ACOXL: variants seen among roughly 807,000 people sequenced by gnomAD.
The protein encoded by ACOXL is acyl-CoA oxidase like.
ACOXL carries 70 observed loss-of-function variants against 71.9 expected under a neutral mutation model. That is an observed-to-expected ratio of 0.97 (90% CI 0.80 to 1.19). The LOEUF (loss-of-function observed/expected upper bound fraction) is 1.19. Ranked by LOEUF, ACOXL falls within the 50% of genes most tolerant of loss-of-function variation. The pLI is 0.00. For synonymous variants in ACOXL, 253 were observed against 281.6 expected (o/e 0.90, Z 1.02); for missense variants, 703 against 736.3 (o/e 0.95, Z 0.52).
chr2:110,847,791 G>A (rs1298016154), intron 10 of ACOXL, among the ~76,000 whole-genome samples: 1 of 152,160 alleles, frequency 6.6e-6, no homozygotes, highest in African/African-American at 2.4e-5. Flanking sequence ...GCGTGTGATC[G>A]AACTGCTCAC....
intron 12 of ACOXL, among the ~76,000 whole-genome samples, chr2:110,986,575 G>A (rs1225605767): frequency 2.0e-5 from 3 of 152,142 alleles, no homozygotes; most frequent in Admixed American, 6.6e-5. Context: ...TTTCTGCAGC[G>A]GGCTAGCCAT....
At chr2:110,779,683 G>A (rs1372177977) in intron 2 of ACOXL, among the ~76,000 whole-genome samples, 1 of 152,208 alleles carries the variant, frequency 6.6e-6, no homozygotes, top group African/African-American at 2.4e-5. Flanking sequence ...ATGACCAATT[G>A]AGTTGCCAAG....
At chr2:110,917,339 GA>G (rs1334682745) in intron 11 of ACOXL, among the ~76,000 whole-genome samples, 1 of 152,118 alleles carries the variant, frequency 6.6e-6, no homozygotes, top group Non-Finnish European at 1.5e-5. Context: ...AAAGACCTTT[GA>G]CAAAATTCAA....
chr2:110,779,527 C>G (rs1302630431), intron 2 of ACOXL, among the ~76,000 whole-genome samples: 2 of 152,158 alleles, frequency 1.3e-5, no homozygotes, highest in Non-Finnish European at 2.9e-5. Context: ...TAAAACAATT[C>G]TAAAAAAGGA....
At chr2:110,908,698 C>T (rs1049331912) in intron 10 of ACOXL, 91 bp from the exon 11 acceptor site, 1 of 996,674 alleles carries the variant, frequency 1.0e-6, no homozygotes, top group Admixed American at 1.9e-5. Context: ...CTTTGGAAGG[C>T]AAATGGCTAG....
chr2:110,889,353 A>G lies in ACOXL; in HGVS notation c.789-19436A>G, dbSNP rs1697679637. Among the ~76,000 whole-genome samples the G allele has an allele frequency of 3.3e-5, 5 of 152,310 alleles. No individual in the cohort carries two copies. The South Asian group carries it at 1.0e-3, about 32-fold the overall frequency. On this transcript the variant is annotated intron_variant, in intron 10 of 17. Transcript: ENST00000439055. ...ACAGCTTTATTGATATATCATCCACATTGTGTAAAATTGTTTCATTTAAGG... is the reference window on the plus strand; with the variant it reads ...ACAGCTTTATTGATATATCATCCACGTTGTGTAAAATTGTTTCATTTAAGG...
chr2:111,116,707 T>G (rs879402179), intron 17 of ACOXL, among the ~76,000 whole-genome samples: 2 of 151,960 alleles, frequency 1.3e-5, no homozygotes, highest in African/African-American at 4.8e-5. Flanking sequence ...GCCGAAAACT[T>G]GAAAAATGGA....
At chr2:111,002,039 C>G (rs1050754928) in intron 14 of ACOXL, among the ~76,000 whole-genome samples, 7 of 152,146 alleles carry the variant, frequency 4.6e-5, no homozygotes, top group African/African-American at 1.4e-4. Context: ...TTCTCTCTCT[C>G]TCTCTCTGGA....
At position 111,117,721 on chromosome 2, in the gene ACOXL, C is replaced by T. The variant is rs1574814608; in HGVS notation, c.1648C>T (p.Pro550Ser). Residue 550 changes from proline (P) to serine (S), a missense_variant, in exon 18 of 18, where the codon CCG (proline) becomes TCG (serine). Physicochemically the swap from Pro to Ser is moderately conservative, Grantham distance 74 (BLOSUM62 -1). Transcript: ENST00000439055. ...LHAPIAGISN[P>S]RAAWAFYPAP... ...CGCACCAATCGCCGGAATCTCCAAC[C>T]CGCGGGCCGCGTGGGCTTTCTACCC... 2 of 1,551,748 alleles carry T rather than the reference C, an allele frequency of 1.3e-6. No homozygotes were observed. Among genetic ancestry groups the T allele is most frequent in the Non-Finnish European group, 8.7e-7 (1 of 1,147,014 alleles).
In ACOXL at chr2:111,036,176, G is replaced by T. The variant is rs147049413; in HGVS notation, c.1369+4462G>T. On this transcript the variant is annotated intron_variant, in intron 15 of 17. Transcript: ENST00000439055. ...CTGCAGTGTTTTTCTGTTACTACTG[G>T]AGGTGGAGGCCTGGAGGGGAGGGGA... is the stretch of plus-strand genomic sequence containing the variant. Among the ~76,000 whole-genome samples the T allele has an allele frequency of 4.2e-3, 642 of 152,332 alleles. 3 individuals are homozygous for T. Among genetic ancestry groups the T allele is most frequent in the African/African-American group, 0.015 (611 of 41,564 alleles).
intron 12 of ACOXL, among the ~76,000 whole-genome samples, chr2:110,984,201 G>C (rs775596476): frequency 1.3e-5 from 2 of 152,002 alleles, no homozygotes; most frequent in Non-Finnish European, 2.9e-5. Flanking sequence ...CATTCTATGC[G>C]CTTTTAACTT....
At chr2:111,045,097 T>A (rs2065951640) in intron 15 of ACOXL, among the ~76,000 whole-genome samples, 1 of 152,172 alleles carries the variant, frequency 6.6e-6, no homozygotes, top group African/African-American at 2.4e-5. Context: ...TTAGGCGCAG[T>A]TGAGACATGT....
At chr2:110,990,954 A>T (rs7601853) in intron 13 of ACOXL, among the ~76,000 whole-genome samples, 5 of 152,010 alleles carry the variant, frequency 3.3e-5, no homozygotes, top group Non-Finnish European at 5.9e-5. Context: ...ATTCTTGTAC[A>T]TGCCTGATTT....
chr2:111,006,272 T>A (rs2063867644), intron 14 of ACOXL, among the ~76,000 whole-genome samples: 1 of 152,206 alleles, frequency 6.6e-6, no homozygotes, highest in African/African-American at 2.4e-5. Context: ...GGCTTGAAAG[T>A]CCTGTACAGG....
intron 10 of ACOXL, among the ~76,000 whole-genome samples, chr2:110,861,115 C>A (rs1693905188): frequency 6.6e-6 from 1 of 152,194 alleles, no homozygotes; most frequent in South Asian, 2.1e-4. Context: ...GCCTGGGCAA[C>A]AGAGTGAGAC....
At chr2:111,060,171 C>T (rs1445181915) in intron 16 of ACOXL, among the ~76,000 whole-genome samples, 1 of 152,152 alleles carries the variant, frequency 6.6e-6, no homozygotes, top group Non-Finnish European at 1.5e-5. Flanking sequence ...CTCCCTTCCC[C>T]TCCTGCCTCA....
intron 10 of ACOXL, among the ~76,000 whole-genome samples, chr2:110,846,367 G>A (rs1414607016): frequency 6.6e-6 from 1 of 152,110 alleles, no homozygotes; most frequent in Admixed American, 6.5e-5. Context: ...TAAAGGCGAT[G>A]AATGTGCAGA....
At chr2:110,943,488 G>A (rs551498886) in intron 12 of ACOXL, among the ~76,000 whole-genome samples, 148 of 152,216 alleles carry the variant, frequency 9.7e-4, no homozygotes, top group African/African-American at 3.3e-3. Context: ...CCAGAGGAGA[G>A]GGGGAAATCA....
intron 9 of ACOXL, among the ~76,000 whole-genome samples, chr2:110,837,912 A>G (rs12463442): frequency 0.38 from 57,981 of 152,068 alleles, 11,659 homozygotes; most frequent in East Asian, 0.55. Context: ...TCCGTGTCCC[A>G]GGACCTCAGC....
Sources: gnomAD v4.1 joint callset for allele counts (sites outside exome capture counted in the v4.1 genomes callset) on GRCh38, gnomAD v4.1.1 for gene constraint, MANE v1.5 for transcripts, NCBI Gene and HGNC (gene_info 2026-07-23, HGNC 2026-07-21) for gene names.